Variants in MCTP1 observed in about 807,000 individuals in gnomAD.
The protein encoded by MCTP1 is multiple C2 and transmembrane domain-containing protein 1.
A neutral mutation model predicts 120.6 loss-of-function variants in MCTP1; 69 were observed. That is an observed-to-expected ratio of 0.57 (90% CI 0.47 to 0.70). The LOEUF (loss-of-function observed/expected upper bound fraction) is 0.70, where lower values mean the gene tolerates loss of function less well. Ranked by LOEUF, MCTP1 falls within the 30% of genes least tolerant of loss-of-function variation. MCTP1 has a pLI of 0.00. For missense variants in MCTP1, 1,203 were observed against 1,248.8 expected, an observed-to-expected ratio of 0.96 and a Z score of 0.55; for synonymous variants, 529 against 493.1, an observed-to-expected ratio of 1.07 and a Z score of -0.96.
chr5:95,008,173 C>T (rs1224553962), intron 2 of MCTP1, among the ~76,000 whole-genome samples: 1 of 152,106 alleles, frequency 6.6e-6, no homozygotes, highest in Non-Finnish European at 1.5e-5. Flanking sequence ...CATTTCCATG[C>T]TAAATAATGC....
chr5:95,015,107 T>TTA (rs1173420413), intron 2 of MCTP1, among the ~76,000 whole-genome samples: 1 of 152,132 alleles, frequency 6.6e-6, no homozygotes, highest in African/African-American at 2.4e-5. Flanking sequence ...TATTCACACT[T>TTA]AATAGACTAC....
At chr5:94,939,066 TTA>T (rs1328190540) in intron 5 of MCTP1, among the ~76,000 whole-genome samples, 1 of 152,052 alleles carries the variant, frequency 6.6e-6, no homozygotes, top group Non-Finnish European at 1.5e-5. Context: ...TTAGCAAATA[TTA>T]TATGTAAACG....
intron 5 of MCTP1, among the ~76,000 whole-genome samples, chr5:94,934,529 C>A (rs572141465): frequency 4.0e-5 from 6 of 151,720 alleles, no homozygotes; most frequent in East Asian, 1.9e-4. Flanking sequence ...CGATCTCAAT[C>A]CATTTTTTAA....
intron 1 of MCTP1, among the ~76,000 whole-genome samples, chr5:95,221,847 A>G (rs1169364303): frequency 6.6e-6 from 1 of 152,220 alleles, no homozygotes; most frequent in East Asian, 1.9e-4. Flanking sequence ...GAAGTCCAAC[A>G]CATGAAATCT....
chr5:94,892,286 G>T (rs1203176190), intron 11 of MCTP1, among the ~76,000 whole-genome samples: 1 of 152,190 alleles, frequency 6.6e-6, no homozygotes, highest in African/African-American at 2.4e-5. Flanking sequence ...TCGTCTCACG[G>T]TGGACAATCC....
chr5:95,140,587 G>C (rs1019555805), intron 1 of MCTP1, among the ~76,000 whole-genome samples: 2 of 151,106 alleles, frequency 1.3e-5, no homozygotes, highest in East Asian at 3.9e-4. Flanking sequence ...GGCCGGGCGC[G>C]ATGGCTCACG....
chr5:94,835,930 G>A (rs1295147149), intron 17 of MCTP1, among the ~76,000 whole-genome samples: 1 of 152,174 alleles, frequency 6.6e-6, no homozygotes, highest in East Asian at 1.9e-4. Flanking sequence ...TGTGAACCCG[G>A]GAGGCAGAGA....
chr5:94,979,168 A>G (rs895808833), intron 2 of MCTP1: 1 of 150,830 alleles, frequency 6.6e-6, no homozygotes, highest in Non-Finnish European at 1.5e-5. Flanking sequence ...TAATCAAACA[A>G]TTTTCCTACT....
chr5:95,161,762 GGTGA>G (rs1335619527), intron 1 of MCTP1, among the ~76,000 whole-genome samples: 1 of 152,006 alleles, frequency 6.6e-6, no homozygotes, highest in Non-Finnish European at 1.5e-5. Flanking sequence ...GCACAGAAAG[GGTGA>G]GTAACTTATC....
chr5:95,133,182 T>C (rs1051014807), intron 1 of MCTP1, among the ~76,000 whole-genome samples: 2 of 152,234 alleles, frequency 1.3e-5, no homozygotes, highest in Non-Finnish European at 2.9e-5. Context: ...GTATAACTTT[T>C]GTAAAACCAT....
chr5:95,192,174 G>A (rs1202103520), intron 1 of MCTP1, among the ~76,000 whole-genome samples: 1 of 151,958 alleles, frequency 6.6e-6, no homozygotes, highest in African/African-American at 2.4e-5. Flanking sequence ...CTTAAGCAAA[G>A]TAATTAAAAA....
chr5:95,101,579 T>C (rs1052242492), intron 1 of MCTP1, among the ~76,000 whole-genome samples: 1 of 152,122 alleles, frequency 6.6e-6, no homozygotes, highest in Non-Finnish European at 1.5e-5. Flanking sequence ...ATCAATCAGG[T>C]GGGGCCTGGC....
intron 12 of MCTP1, among the ~76,000 whole-genome samples, chr5:94,883,353 G>A (rs1419473762): frequency 6.6e-6 from 1 of 152,112 alleles, no homozygotes; most frequent in Non-Finnish European, 1.5e-5. Flanking sequence ...TTATTAAAAA[G>A]CAAATGGAAC....
At chr5:95,233,813 C>T (rs892248391) in intron 1 of MCTP1, among the ~76,000 whole-genome samples, 4 of 152,066 alleles carry the variant, frequency 2.6e-5, no homozygotes, top group Admixed American at 6.5e-5. Context: ...CAAATCCCCT[C>T]AGCTATCACA....
intron 17 of MCTP1, among the ~76,000 whole-genome samples, chr5:94,810,315 TA>T (rs2153061813): frequency 6.6e-6 from 1 of 152,296 alleles, no homozygotes; most frequent in East Asian, 1.9e-4. Flanking sequence ...TTTGTGTATA[TA>T]AATGCTATAT....
chr5:94,860,703 G>A lies in MCTP1; in HGVS notation c.2436+7630C>T, dbSNP rs955321510. ...CATTTGGAGCATGCATTCACAGTGGGGTCAATGTGACATCCAAGGGGGTAA... is the reference window on the plus strand; with the variant it reads ...CATTTGGAGCATGCATTCACAGTGGAGTCAATGTGACATCCAAGGGGGTAA... On this transcript the variant is annotated intron_variant, in intron 17 of 22. Coordinates refer to ENST00000515393, the MANE Select transcript of MCTP1 (RefSeq NM_024717.7). Among the ~76,000 whole-genome samples, 11 of 151,362 alleles carry A rather than the reference G, an allele frequency of 7.3e-5. No homozygotes were observed. In the East Asian group the frequency reaches 2.2e-3, roughly 30 times the overall value.
intron 1 of MCTP1, among the ~76,000 whole-genome samples, chr5:95,179,485 C>G (rs1748372915): frequency 6.6e-6 from 1 of 152,174 alleles, no homozygotes; most frequent in Non-Finnish European, 1.5e-5. Flanking sequence ...GATTTCTTAG[C>G]AGAAACCATA....
intron 1 of MCTP1, among the ~76,000 whole-genome samples, chr5:95,240,165 T>G (rs532114425): frequency 2.0e-5 from 3 of 152,340 alleles, no homozygotes; most frequent in Non-Finnish European, 4.4e-5. Flanking sequence ...AATCAGTATC[T>G]CTTAATGTTT....
intron 19 of MCTP1, among the ~76,000 whole-genome samples, chr5:94,736,476 C>G (rs1485988465): frequency 6.6e-6 from 1 of 152,034 alleles, no homozygotes; most frequent in African/African-American, 2.4e-5. Context: ...GAGCAAGACC[C>G]TGTCTCAAAA....
Sources: gnomAD v4.1 joint callset for allele counts (sites outside exome capture counted in the v4.1 genomes callset) on GRCh38, gnomAD v4.1.1 for gene constraint, MANE v1.5 for transcripts, NCBI Gene and HGNC (gene_info 2026-07-23, HGNC 2026-07-21) for gene names.